The following TBC1D22A variants were observed in gnomAD, a reference collection of about 807,000 sequenced individuals.
TBC1D22A encodes TBC1 domain family member 22A.
A neutral mutation model predicts 60.2 loss-of-function variants in TBC1D22A; 38 were observed. The observed-to-expected ratio is 0.63, with a 90% CI of 0.49 to 0.83. The LOEUF is 0.83. TBC1D22A is among the 40% of genes least tolerant of loss of function. The pLI is 0.00. For synonymous variants in TBC1D22A, 302 were observed against 281.7 expected (o/e 1.07, Z -0.72); for missense variants, 628 against 701.0 (o/e 0.90, Z 1.18).
At chr22:46,947,553 T>C (rs1233181487) in intron 8 of TBC1D22A, among the ~76,000 whole-genome samples, 1 of 152,198 alleles carries the variant, frequency 6.6e-6, no homozygotes, top group Non-Finnish European at 1.5e-5. Flanking sequence ...ACCACCATCT[T>C]CGTTGCGCTA....
chr22:46,952,485 C>T (rs983665836), intron 8 of TBC1D22A, among the ~76,000 whole-genome samples: 8 of 152,148 alleles, frequency 5.3e-5, no homozygotes, highest in Middle Eastern at 3.2e-3. Flanking sequence ...TATCTCTGTA[C>T]GTTTTTCTGG....
At position 46,878,681 on chromosome 22, in the gene TBC1D22A, A is replaced by C. The variant is rs746413530; in HGVS notation, c.666A>C (p.Gly222=). 6.2e-7 allele frequency: 1 copy of C among 1,613,222 alleles called. No homozygotes were observed. Among genetic ancestry groups the C allele is most frequent in the South Asian group, 1.1e-5 (1 of 91,080 alleles). The part of the protein sequence containing the change: ...LEELRRLSWS[G]IPKPVRPMTW... The stretch of plus-strand genomic sequence containing the variant: ...AATTACGGAGGTTGAGCTGGTCCGG[A>C]ATCCCTAAGCCAGTGCGTCCAATGA... The change falls in exon 5 of 13, where the codon GGA becomes GGC. Residue 222 remains glycine, a synonymous_variant. Transcript: ENST00000337137.
At chr22:46,891,220 T>C (rs775245456) in intron 5 of TBC1D22A, 46 bp from the exon 6 acceptor site, 3 of 1,547,716 alleles carry the variant, frequency 1.9e-6, no homozygotes, top group Non-Finnish European at 2.6e-6. Flanking sequence ...AGGGACTCCA[T>C]GAATTAGCTA....
intron 7 of TBC1D22A, among the ~76,000 whole-genome samples, chr22:46,905,726 A>G (rs1374246807): frequency 1.3e-5 from 2 of 152,178 alleles, no homozygotes; most frequent in Admixed American, 6.5e-5. Flanking sequence ...TCCTGAACCT[A>G]GGGGCCAAGC....
chr22:47,125,188 C>T (rs185042592), intron 12 of TBC1D22A, among the ~76,000 whole-genome samples: 11 of 152,280 alleles, frequency 7.2e-5, no homozygotes, highest in Admixed American at 4.6e-4. Flanking sequence ...CAAGATCTGC[C>T]GCCAGCATGG....
At position 46,917,869 on chromosome 22, in the gene TBC1D22A, G is replaced by A. The variant is rs186418208; in HGVS notation, c.1015+5681G>A. Among the ~76,000 whole-genome samples the A allele has an allele frequency of 2.3e-4, 35 of 152,272 alleles. No individual in the cohort carries two copies. In the East Asian group the frequency reaches 5.6e-3, roughly 24 times the overall value. ...GCTGTCCCACAGGGAGGTTTATGGC[G>A]CTCTCCCATGCCGGAGTCTGGGCGT... On this transcript the variant is annotated intron_variant, in intron 8 of 12. Coordinates refer to ENST00000337137, the MANE Select transcript of TBC1D22A (RefSeq NM_014346.5).
intron 5 of TBC1D22A, among the ~76,000 whole-genome samples, chr22:46,886,265 A>T (rs909316153): frequency 6.6e-6 from 1 of 152,196 alleles, no homozygotes; most frequent in Non-Finnish European, 1.5e-5. Context: ...ATTTTATGGG[A>T]AAACAGAGGC....
At chr22:47,065,422 C>T (rs1345766874) in intron 11 of TBC1D22A, among the ~76,000 whole-genome samples, 3 of 152,196 alleles carry the variant, frequency 2.0e-5, no homozygotes, top group Admixed American at 2.0e-4. Context: ...GGGCTCTGTG[C>T]AGGTGGTAGC....
intron 10 of TBC1D22A, among the ~76,000 whole-genome samples, chr22:46,998,465 G>A (rs541128778): frequency 4.6e-5 from 7 of 152,176 alleles, no homozygotes; most frequent in East Asian, 1.9e-4. Context: ...TCCCATGCGC[G>A]CTTGGCAAAT....
chr22:47,115,472 C>G (rs2066006931), intron 12 of TBC1D22A, among the ~76,000 whole-genome samples: 1 of 151,918 alleles, frequency 6.6e-6, no homozygotes, highest in Non-Finnish European at 1.5e-5. Flanking sequence ...TGCCTTCCAT[C>G]TGCCACTCTC....
At chr22:46,972,329 T>C (rs750097566) in intron 8 of TBC1D22A, among the ~76,000 whole-genome samples, 2 of 152,180 alleles carry the variant, frequency 1.3e-5, no homozygotes, top group Non-Finnish European at 2.9e-5. Flanking sequence ...GCCTGGTGTA[T>C]AGGGACAGAT....
intron 4 of TBC1D22A, among the ~76,000 whole-genome samples, chr22:46,866,695 A>T (rs2067072262): frequency 6.6e-6 from 1 of 152,244 alleles, no homozygotes. Flanking sequence ...AGTGCTGATG[A>T]ACCATCATTG....
chr22:47,059,918 G>A (rs1569403552), intron 11 of TBC1D22A, among the ~76,000 whole-genome samples: 1 of 152,178 alleles, frequency 6.6e-6, no homozygotes, highest in Non-Finnish European at 1.5e-5. Flanking sequence ...CACAGAAGAT[G>A]AGCTCCAGGC....
chr22:46,864,878 T>C (rs890306188), intron 4 of TBC1D22A, among the ~76,000 whole-genome samples: 1 of 152,160 alleles, frequency 6.6e-6, no homozygotes, highest in African/African-American at 2.4e-5. Context: ...AGTGGCGTGA[T>C]CGACCGAGTG....
intron 12 of TBC1D22A, among the ~76,000 whole-genome samples, chr22:47,112,736 G>T (rs1037374725): frequency 6.6e-6 from 1 of 152,208 alleles, no homozygotes; most frequent in Non-Finnish European, 1.5e-5. Flanking sequence ...TTTTGTCAGT[G>T]TGGGGCTCGG....
chr22:46,919,531 T>C (rs2070607272), intron 8 of TBC1D22A, among the ~76,000 whole-genome samples: 1 of 151,228 alleles, frequency 6.6e-6, no homozygotes, highest in Non-Finnish European at 1.5e-5. Flanking sequence ...AGATATGTGT[T>C]TCCATTTCTG....
chr22:47,160,071 A>C (rs1167975491), intron 12 of TBC1D22A, among the ~76,000 whole-genome samples: 2 of 146,698 alleles, frequency 1.4e-5, no homozygotes, highest in Non-Finnish European at 3.0e-5. Flanking sequence ...TCAGCACGTG[A>C]GGTGGAGGAG....
At chr22:47,053,882 G>T in intron 11 of TBC1D22A, among the ~76,000 whole-genome samples, 1 of 152,340 alleles carries the variant, frequency 6.6e-6, no homozygotes. Context: ...CCAAGCCATC[G>T]TTAAGAAATG....
rs956490448 is a variant in TBC1D22A at position 46,876,643 on chromosome 22, G to A, written c.638-2010G>A. On this transcript the variant is annotated intron_variant, in intron 4 of 12. Transcript: ENST00000337137. ...TGCCTCCAGGAACTTCCCAAGAGCCGGGTGGAGTGTTCTCAGAAGCCCTCA... is the reference window on the plus strand; with the variant it reads ...TGCCTCCAGGAACTTCCCAAGAGCCAGGTGGAGTGTTCTCAGAAGCCCTCA... Among the ~76,000 whole-genome samples, 4 of 152,178 alleles carry A rather than the reference G, an allele frequency of 2.6e-5. No homozygotes were observed. The South Asian group carries it at 6.2e-4, about 24-fold the overall frequency.
Sources: allele counts gnomAD v4.1 joint callset (sites outside exome capture counted in the v4.1 genomes callset), GRCh38; gene constraint gnomAD v4.1.1; transcripts MANE v1.5; gene names NCBI Gene and HGNC (gene_info 2026-07-23, HGNC 2026-07-21).